CNTNAP5: variants seen among roughly 807,000 people sequenced by gnomAD.
CNTNAP5 encodes the protein contactin-associated protein-like 5.
In CNTNAP5, 72 loss-of-function variants were observed where a neutral mutation model predicts 150.2. That is an observed-to-expected ratio of 0.48 (90% confidence interval 0.40 to 0.58). The LOEUF is 0.58. CNTNAP5 is among the 20% of genes least tolerant of loss of function. CNTNAP5 has a pLI of 0.00. For missense variants in CNTNAP5, 1,636 were observed against 1,626.2 expected (o/e 1.01, Z -0.10); for synonymous variants, 672 against 619.8 (o/e 1.08, Z -1.25).
chr2:124,483,807 T>G (rs558556640), intron 7 of CNTNAP5, among the ~76,000 whole-genome samples: 1 of 152,372 alleles, frequency 6.6e-6, no homozygotes, highest in East Asian at 1.9e-4. Context: ...TCTCAGAAAT[T>G]ACACACCTGG....
intron 3 of CNTNAP5, among the ~76,000 whole-genome samples, chr2:124,337,014 C>T (rs1469864659): frequency 6.6e-6 from 1 of 152,170 alleles, no homozygotes; most frequent in Non-Finnish European, 1.5e-5. Context: ...GTTCCTATTT[C>T]TCCACATCCT....
chr2:124,138,185 A>T (rs1300833964), intron 1 of CNTNAP5, among the ~76,000 whole-genome samples: 2 of 152,176 alleles, frequency 1.3e-5, no homozygotes. Flanking sequence ...GATGAGACTC[A>T]GGTGAGGCCC....
chr2:124,088,517 G>A (rs1682746403), intron 1 of CNTNAP5, among the ~76,000 whole-genome samples: 1 of 150,048 alleles, frequency 6.7e-6, no homozygotes, highest in Non-Finnish European at 1.5e-5. Flanking sequence ...ATTCAAACTT[G>A]GATATTTTCA....
At chr2:124,126,030 A>G (rs958392448) in intron 1 of CNTNAP5, among the ~76,000 whole-genome samples, 2 of 152,336 alleles carry the variant, frequency 1.3e-5, no homozygotes, top group African/African-American at 4.8e-5. Context: ...AAACACATTC[A>G]AAAGCTAGCA....
At chr2:124,689,629 A>G (rs561450828) in intron 13 of CNTNAP5, among the ~76,000 whole-genome samples, 7 of 152,088 alleles carry the variant, frequency 4.6e-5, no homozygotes, top group Middle Eastern at 3.4e-3. Context: ...ACATATGTGT[A>G]TGTTCAGATG....
intron 3 of CNTNAP5, among the ~76,000 whole-genome samples, chr2:124,282,486 G>A (rs559361230): frequency 6.6e-6 from 1 of 152,232 alleles, no homozygotes; most frequent in East Asian, 1.9e-4. Flanking sequence ...TCTGACTGAT[G>A]CAGATCTCTC....
Position 124,547,752 on chromosome 2 carries a change from G to T in CNTNAP5, c.1650-15465G>T, listed in dbSNP as rs146952412. Among the ~76,000 whole-genome samples, 5 of 152,288 alleles carry T rather than the reference G, an allele frequency of 3.3e-5. No individual in the cohort carries two copies. The East Asian group carries it at 9.7e-4, about 29-fold the overall frequency. Reference sequence around the variant, plus strand: ...TTCTTTTCTCATAGCAGAAGCCTTAGGCTGCAGGATTCAGCAATTGGCCGC... The same window carrying T: ...TTCTTTTCTCATAGCAGAAGCCTTATGCTGCAGGATTCAGCAATTGGCCGC... On this transcript the variant is annotated intron_variant, in intron 10 of 23. Transcript: ENST00000682447.
At chr2:124,615,112 A>T (rs1484085241) in intron 12 of CNTNAP5, among the ~76,000 whole-genome samples, 1 of 152,220 alleles carries the variant, frequency 6.6e-6, no homozygotes, top group Non-Finnish European at 1.5e-5. Context: ...GAGGAAAAAG[A>T]TGTTAGTGGC....
intron 1 of CNTNAP5, among the ~76,000 whole-genome samples, chr2:124,177,300 G>A (rs534736802): frequency 5.9e-5 from 9 of 152,224 alleles, no homozygotes; most frequent in South Asian, 4.1e-4. Flanking sequence ...CAGGAGGGTC[G>A]GAGAAGGTCA....
In CNTNAP5 at chr2:124,914,147, G is replaced by T; in HGVS notation, c.3783G>T (p.Arg1261=). 6.2e-7 allele frequency: 1 copy of T among 1,612,584 alleles called. No individual in the cohort carries two copies. The change falls in exon 24 of 24, where the codon CGG becomes CGT. Residue 1261 remains arginine, a synonymous_variant. Transcript: ENST00000682447. Reference sequence around the variant, plus strand: ...TCTGTATCATCGGCATCATGACCCGGTTCCTCTACCAGCACAAGCAGTCAC... The same window carrying T: ...TCTGTATCATCGGCATCATGACCCGTTTCCTCTACCAGCACAAGCAGTCAC... The part of the protein sequence containing the change: ...IIFCIIGIMT[R]FLYQHKQSHR...
At chr2:124,819,448 G>C (rs947141226) in intron 19 of CNTNAP5, among the ~76,000 whole-genome samples, 5 of 151,978 alleles carry the variant, frequency 3.3e-5, no homozygotes, top group African/African-American at 1.2e-4. Flanking sequence ...GCTTTGTTGG[G>C]AATTTTAATC....
chr2:124,086,766 A>T (rs1682702707), intron 1 of CNTNAP5, among the ~76,000 whole-genome samples: 1 of 151,592 alleles, frequency 6.6e-6, no homozygotes, highest in African/African-American at 2.4e-5. Context: ...CCTATCTGAT[A>T]ATCCCTGTCT....
intron 3 of CNTNAP5, among the ~76,000 whole-genome samples, chr2:124,315,289 C>T (rs1688936217): frequency 6.6e-6 from 1 of 152,138 alleles, no homozygotes; most frequent in South Asian, 2.1e-4. Flanking sequence ...TCTGGTCAGT[C>T]AGTTTTGGAT....
chr2:124,127,670 C>T (rs1683743285), intron 1 of CNTNAP5, among the ~76,000 whole-genome samples: 1 of 152,164 alleles, frequency 6.6e-6, no homozygotes. Context: ...TAGTACAAGG[C>T]TACAGTAACC....
At chr2:124,128,132 A>C (rs574592513) in intron 1 of CNTNAP5, among the ~76,000 whole-genome samples, 1 of 152,184 alleles carries the variant, frequency 6.6e-6, no homozygotes, top group African/African-American at 2.4e-5. Flanking sequence ...CAACCTACAG[A>C]ATGGGAGAAA....
chr2:124,796,590 T>G (rs1393286116), intron 18 of CNTNAP5, among the ~76,000 whole-genome samples: 1 of 152,248 alleles, frequency 6.6e-6, no homozygotes, highest in East Asian at 1.9e-4. Context: ...CTAGGCAATA[T>G]GCATAAATAT....
At chr2:124,447,150 T>C (rs1010296749) in intron 6 of CNTNAP5, among the ~76,000 whole-genome samples, 5 of 151,608 alleles carry the variant, frequency 3.3e-5, no homozygotes, top group Non-Finnish European at 7.4e-5. Flanking sequence ...AACCACAAGA[T>C]AGCAGCTCTG....
intron 3 of CNTNAP5, among the ~76,000 whole-genome samples, chr2:124,373,100 A>G (rs1443279388): frequency 1.3e-5 from 2 of 152,136 alleles, no homozygotes; most frequent in Non-Finnish European, 2.9e-5. Flanking sequence ...GAAAAATACC[A>G]CTGTGATAGA....
intron 11 of CNTNAP5, among the ~76,000 whole-genome samples, chr2:124,581,953 G>C (rs1213720862): frequency 6.6e-6 from 1 of 152,202 alleles, no homozygotes; most frequent in African/African-American, 2.4e-5. Context: ...AGCTGGTGCT[G>C]TTTCACAAAC....
Sources: gnomAD v4.1 joint callset for allele counts (sites outside exome capture counted in the v4.1 genomes callset) on GRCh38, gnomAD v4.1.1 for gene constraint, MANE v1.5 for transcripts, NCBI Gene and HGNC (gene_info 2026-07-23, HGNC 2026-07-21) for gene names.